ABLIM1: variants seen among roughly 807,000 people sequenced by gnomAD.
ABLIM1 encodes the protein actin-binding LIM protein 1.
A neutral mutation model predicts 107.0 loss-of-function variants in ABLIM1; 40 were observed. The ratio of observed to expected loss-of-function variants is 0.37; its 90% confidence interval spans 0.29 to 0.49. The LOEUF is 0.49. ABLIM1 is among the 20% of genes least tolerant of loss of function. ABLIM1 has a pLI of 0.97. For synonymous variants in ABLIM1, 357 were observed against 357.3 expected, an observed-to-expected ratio of 1.00 and a Z score of 0.01; for missense variants, 857 against 1,008.5, an observed-to-expected ratio of 0.85 and a Z score of 2.04.
chr10:114,659,774 GAGGA>G (rs908191149), upstream of ABLIM1, among the ~76,000 whole-genome samples: 1 of 152,162 alleles, frequency 6.6e-6, no homozygotes, highest in African/African-American at 2.4e-5. Flanking sequence ...CCTTTAAGAT[GAGGA>G]AGGTGAGTCT....
chr10:114,490,734 CATAT>C (rs10603115), intron 7 of ABLIM1, among the ~76,000 whole-genome samples: 1 of 148,186 alleles, frequency 6.7e-6, no homozygotes, highest in Non-Finnish European at 1.5e-5. Flanking sequence ...AAAAACTGAT[CATAT>C]ATATATATAT....
At chr10:114,578,195 C>T (rs1316898181) in intron 2 of ABLIM1, among the ~76,000 whole-genome samples, 1 of 152,146 alleles carries the variant, frequency 6.6e-6, no homozygotes, top group Non-Finnish European at 1.5e-5. Context: ...GATGTCTTCC[C>T]CAAGCTTTAG....
chr10:114,479,289 T>C (rs927692182), intron 8 of ABLIM1, among the ~76,000 whole-genome samples: 15 of 152,202 alleles, frequency 9.9e-5, no homozygotes, highest in African/African-American at 3.4e-4. Context: ...TCTCAAATAA[T>C]GCCTCTGTTT....
intron 6 of ABLIM1, among the ~76,000 whole-genome samples, chr10:114,521,765 T>C (rs1240310819): frequency 6.6e-6 from 1 of 152,158 alleles, no homozygotes; most frequent in African/African-American, 2.4e-5. Context: ...TATCAGATGA[T>C]GTTTTAGTTT....
At chr10:114,662,304 G>A (rs745362550), upstream of ABLIM1, among the ~76,000 whole-genome samples, 1 of 152,168 alleles carries the variant, frequency 6.6e-6, no homozygotes, top group Non-Finnish European at 1.5e-5. Context: ...AACACCTGCA[G>A]TTGCTCACAA....
In ABLIM1 at chr10:114,476,482, A is replaced by C. The variant is rs961927343; in HGVS notation, c.1042-2526T>G. Among the ~76,000 whole-genome samples the C allele has an allele frequency of 1.6e-4, 24 of 151,916 alleles. No individual in the cohort carries two copies. The South Asian group carries it at 2.9e-3, about 19-fold the overall frequency. ...CATGGTGAAACCCCATCTCTACTAA[A>C]AATACAATAAAATTAACTGGGTGTG... On this transcript the variant is annotated intron_variant, in intron 8 of 22. Transcript: ENST00000533213.
intron 1 of ABLIM1, among the ~76,000 whole-genome samples, chr10:114,747,969 G>A (rs973916051): frequency 6.6e-6 from 1 of 152,204 alleles, no homozygotes; most frequent in Non-Finnish European, 1.5e-5. Flanking sequence ...GAACTCGGGA[G>A]GCAGAGGTTG....
intron 1 of ABLIM1, among the ~76,000 whole-genome samples, chr10:114,655,028 C>CA (rs911603090): frequency 8.6e-5 from 13 of 152,004 alleles, no homozygotes; most frequent in Admixed American, 4.6e-4. Context: ...AGGAGCCCTA[C>CA]AAAAAAAATC....
chr10:114,657,598 C>G (rs1288820067), intron 1 of ABLIM1, among the ~76,000 whole-genome samples: 2 of 152,188 alleles, frequency 1.3e-5, no homozygotes, highest in Admixed American at 6.5e-5. Flanking sequence ...CCATCTCCCC[C>G]CTTGAATATT....
chr10:114,583,468 C>CACATAT (rs1342722676), intron 2 of ABLIM1, among the ~76,000 whole-genome samples: 2 of 15,104 alleles, frequency 1.3e-4, no homozygotes, highest in Non-Finnish European at 2.5e-4. Flanking sequence ...CACACACACA[C>CACATAT]ATATATATAT....
At chr10:114,542,848 G>A (rs1157200437) in intron 6 of ABLIM1, among the ~76,000 whole-genome samples, 4 of 152,164 alleles carry the variant, frequency 2.6e-5, no homozygotes, top group African/African-American at 7.2e-5. Flanking sequence ...TGATGGGACC[G>A]CTCGGACTCC....
In ABLIM1 at chr10:114,491,837, G is replaced by C. The variant is rs1280709294; in HGVS notation, c.936C>G (p.Ser312Arg). The C allele has an allele frequency of 8.1e-6, 13 of 1,612,376 alleles. No homozygotes were observed. Among genetic ancestry groups the C allele is most frequent in the Non-Finnish European group, 1.1e-5 (13 of 1,178,742 alleles). ...KHYHPSCARC[S>R]RCNQMFTEGE... ...CTTCTGTGAACATCTGGTTGCATCT[G>C]CTGCATCGTGCACAGCTGGGGTGGT... Residue 312 changes from serine to arginine, a missense_variant, in exon 7 of 23, where the codon AGC (serine) becomes AGG (arginine). Physicochemically the swap from Ser to Arg is moderately radical, Grantham distance 110. Coordinates refer to ENST00000533213, the MANE Select transcript of ABLIM1 (RefSeq NM_002313.7).
At chr10:114,441,829 A>G (rs1362419927) in intron 17 of ABLIM1, 43 bp from the exon 18 acceptor site, 1 of 1,549,038 alleles carries the variant, frequency 6.5e-7, no homozygotes, top group Non-Finnish European at 8.9e-7. Context: ...AGGAAATCAG[A>G]AGGTCCAATC....
Position 114,491,012 on chromosome 10 carries a change from G to GTGTGTGTGTGTATATATA in ABLIM1, c.982+778_982+779insTATATATACACACACACA. Among the ~76,000 whole-genome samples, 182 of 92,360 alleles carry GTGTGTGTGTGTATATATA rather than the reference G, an allele frequency of 2.0e-3. 1 individual carries two copies. The highest frequency in any genetic ancestry group is 5.7e-3 in the Middle Eastern group (1 of 176). 60.6% of individuals were successfully genotyped at this position (92,360 alleles called of 152,430 possible). A position where few individuals can be genotyped will look rare whatever the true frequency, so the allele number is the denominator to read the frequency against. The stretch of plus-strand genomic sequence containing the variant: ...TGTGTGTGTGTGTGTGTGTGTGTGT[G>GTGTGTGTGTGTATATATA]TATATATATATATGGTCTATTTTAT... On this transcript the variant is annotated intron_variant, in intron 7 of 22. Coordinates refer to ENST00000533213, the MANE Select transcript of ABLIM1 (RefSeq NM_002313.7).
the ABLIM1 span, among the ~76,000 whole-genome samples, chr10:114,800,613 T>C: frequency 6.6e-6 from 1 of 152,104 alleles, no homozygotes; most frequent in Non-Finnish European, 1.5e-5. Flanking sequence ...TAAGGGACAG[T>C]TGAAAATCCA....
At chr10:114,750,868 G>A (rs1591939585) in intron 1 of ABLIM1, among the ~76,000 whole-genome samples, 2 of 152,190 alleles carry the variant, frequency 1.3e-5, no homozygotes, top group South Asian at 2.1e-4. Context: ...GCCAATAAGT[G>A]TGTAAGAGCA....
At chr10:114,665,116 C>CA (rs34831708) in intron 1 of ABLIM1, among the ~76,000 whole-genome samples, 3,135 of 144,562 alleles carry the variant, frequency 0.022, 107 homozygotes, top group African/African-American at 0.074. Context: ...GACTCCGTCT[C>CA]AAAAAAAAAA....
At chr10:114,793,301 T>C in the ABLIM1 span, among the ~76,000 whole-genome samples, 1 of 152,000 alleles carries the variant, frequency 6.6e-6, no homozygotes, top group Admixed American at 6.5e-5. Context: ...TGAATCCTCA[T>C]GAGATCTGGT....
intron 4 of ABLIM1, among the ~76,000 whole-genome samples, chr10:114,550,959 T>C (rs2067987300): frequency 6.6e-6 from 1 of 152,180 alleles, no homozygotes; most frequent in Non-Finnish European, 1.5e-5. Context: ...CAAATGACAA[T>C]GGATGGGCTC....
Sources: gnomAD v4.1 joint callset for allele counts (sites outside exome capture counted in the v4.1 genomes callset) on GRCh38, gnomAD v4.1.1 for gene constraint, MANE v1.5 for transcripts, NCBI Gene and HGNC (gene_info 2026-07-23, HGNC 2026-07-21) for gene names.